Variants in NKAIN3 observed in about 807,000 individuals in gnomAD.
The protein encoded by NKAIN3 is sodium/potassium-transporting ATPase subunit beta-1-interacting protein 3.
NKAIN3 carries 25 observed loss-of-function variants against 30.2 expected under a neutral mutation model. The ratio of observed to expected loss-of-function variants is 0.83; its 90% CI spans 0.60 to 1.16. The LOEUF is 1.16. Among genes scored for constraint, NKAIN3 ranks in the 50% most tolerant of loss-of-function variants. The probability of loss-of-function intolerance (pLI) is 0.00; values close to 1 mark genes in which losing one functional copy is unlikely to be tolerated. For synonymous variants in NKAIN3, 91 were observed against 89.6 expected (o/e 1.02, Z -0.09); for missense variants, 225 against 254.1 (o/e 0.89, Z 0.78).
intron 1 of NKAIN3, among the ~76,000 whole-genome samples, chr8:62,301,505 G>T (rs150967757): frequency 0.018 from 2,673 of 152,130 alleles, 76 homozygotes; most frequent in African/African-American, 0.061. Flanking sequence ...GAACAGTTGG[G>T]CACCTTTGAT....
rs556768166 is a variant in NKAIN3 at position 62,956,890 on chromosome 8, G to T, written c.603+2918G>T. On this transcript the variant is annotated intron_variant, in intron 6 of 6. Coordinates refer to ENST00000623646, the MANE Select transcript of NKAIN3 (RefSeq NM_001304533.3). ...CCCAAGGAAATTTTATGCGGGAGGG[G>T]GAATGGTTAACTCTCGCTTAGCGAG... Among the ~76,000 whole-genome samples, 6 of 152,274 alleles carry T rather than the reference G, an allele frequency of 3.9e-5. No individual in the cohort carries two copies. In the South Asian group the frequency reaches 1.2e-3, roughly 32 times the overall value.
chr8:62,578,242 A>T (rs1810178950), intron 1 of NKAIN3, among the ~76,000 whole-genome samples: 1 of 152,248 alleles, frequency 6.6e-6, no homozygotes, highest in African/African-American at 2.4e-5. Flanking sequence ...CATTTTTGGT[A>T]TTCACTGGAC....
intron 1 of NKAIN3, among the ~76,000 whole-genome samples, chr8:62,301,491 G>A (rs1378482463): frequency 6.6e-6 from 1 of 152,022 alleles, no homozygotes; most frequent in Non-Finnish European, 1.5e-5. Context: ...TTTGAACACT[G>A]TTTGAACAGT....
intron 1 of NKAIN3, among the ~76,000 whole-genome samples, chr8:62,500,259 T>A (rs1433397567): frequency 2.0e-5 from 3 of 152,226 alleles, no homozygotes; most frequent in African/African-American, 7.2e-5. Flanking sequence ...CTATAACCAG[T>A]GTTCCTTGAA....
At chr8:62,931,072 G>A (rs4557697) in intron 5 of NKAIN3, among the ~76,000 whole-genome samples, 150,690 of 152,346 alleles carry the variant, frequency 0.99, 74,534 homozygotes, top group East Asian at 1. Flanking sequence ...TGTTCCATTT[G>A]TAACTTAAAT....
intron 1 of NKAIN3, among the ~76,000 whole-genome samples, chr8:62,529,630 A>G (rs545133127): frequency 2.6e-5 from 4 of 152,242 alleles, no homozygotes; most frequent in Admixed American, 2.6e-4. Flanking sequence ...GGCCCTCACC[A>G]GACACTGAAT....
intron 3 of NKAIN3, among the ~76,000 whole-genome samples, chr8:62,616,184 T>C (rs187026945): frequency 1.2e-4 from 18 of 152,212 alleles, no homozygotes; most frequent in African/African-American, 4.1e-4. Flanking sequence ...CAATACCAAA[T>C]GGAGGTCCAA....
intron 3 of NKAIN3, among the ~76,000 whole-genome samples, chr8:62,681,547 G>A (rs1489221002): frequency 6.6e-6 from 1 of 152,148 alleles, no homozygotes; most frequent in African/African-American, 2.4e-5. Context: ...ACCAGACCGT[G>A]TGGCCATTTA....
At chr8:62,415,159 T>C (rs1804397144) in intron 1 of NKAIN3, among the ~76,000 whole-genome samples, 1 of 141,938 alleles carries the variant, frequency 7.0e-6, no homozygotes. Flanking sequence ...TATACTATAG[T>C]ATATTATATA....
intron 4 of NKAIN3, among the ~76,000 whole-genome samples, chr8:62,887,612 C>T (rs1398677803): frequency 6.6e-6 from 1 of 152,000 alleles, no homozygotes; most frequent in East Asian, 1.9e-4. Flanking sequence ...TTGAAGGTTT[C>T]TGTTGATATA....
chr8:62,640,688 CCCAGCCTGGCAAACA>C, intron 3 of NKAIN3, among the ~76,000 whole-genome samples: 1 of 152,184 alleles, frequency 6.6e-6, no homozygotes, highest in South Asian at 2.1e-4. Context: ...TCTGCGCGCA[CCCAGCCTGGCAAACA>C]CGTCTGGCTT....
At chr8:62,265,925 G>C (rs1812586169) in intron 1 of NKAIN3, among the ~76,000 whole-genome samples, 1 of 152,196 alleles carries the variant, frequency 6.6e-6, no homozygotes, top group Non-Finnish European at 1.5e-5. Context: ...TAAGGCCACA[G>C]TGCCAATGAA....
At chr8:62,498,817 A>G (rs1403064338) in intron 1 of NKAIN3, among the ~76,000 whole-genome samples, 1 of 151,916 alleles carries the variant, frequency 6.6e-6, no homozygotes, top group South Asian at 2.1e-4. Context: ...CAATCTCACA[A>G]TGTAATGGGG....
intron 3 of NKAIN3, among the ~76,000 whole-genome samples, chr8:62,719,197 C>T (rs1355102678): frequency 6.6e-6 from 1 of 152,042 alleles, no homozygotes; most frequent in African/African-American, 2.4e-5. Flanking sequence ...AGCAGGTGTG[C>T]GGTTGACTAT....
chr8:62,509,636 G>A (rs113916023), intron 1 of NKAIN3, among the ~76,000 whole-genome samples: 1 of 152,178 alleles, frequency 6.6e-6, no homozygotes, highest in African/African-American at 2.4e-5. Context: ...ACAATTCCAG[G>A]AATGTGCCAT....
chr8:62,498,228 G>A (rs17245081), intron 1 of NKAIN3, among the ~76,000 whole-genome samples: 56,167 of 151,972 alleles, frequency 0.37, 12,047 homozygotes, highest in Non-Finnish European at 0.49. Context: ...GACACTTGTT[G>A]AGCAGGGAAG....
At chr8:62,317,330 T>G (rs1210796140) in intron 1 of NKAIN3, among the ~76,000 whole-genome samples, 3 of 152,252 alleles carry the variant, frequency 2.0e-5, no homozygotes, top group African/African-American at 7.2e-5. Context: ...TTTGATGTTT[T>G]AGACATGAAG....
intron 3 of NKAIN3, among the ~76,000 whole-genome samples, chr8:62,743,125 C>T (rs1467631144): frequency 3.3e-5 from 5 of 152,244 alleles, no homozygotes; most frequent in Middle Eastern, 3.4e-3. Context: ...GGGACACAGC[C>T]AAATTATATC....
At chr8:62,841,446 A>G (rs1819529152) in intron 4 of NKAIN3, among the ~76,000 whole-genome samples, 1 of 152,072 alleles carries the variant, frequency 6.6e-6, no homozygotes, top group Non-Finnish European at 1.5e-5. Flanking sequence ...TCCTTTAAAC[A>G]GTAACTCCAC....
Sources: allele counts gnomAD v4.1 joint callset (sites outside exome capture counted in the v4.1 genomes callset), GRCh38; gene constraint gnomAD v4.1.1; transcripts MANE v1.5; gene names NCBI Gene and HGNC (gene_info 2026-07-23, HGNC 2026-07-21).